Variants in NCAM2 observed in about 807,000 individuals in gnomAD.
NCAM2 encodes the protein neural cell adhesion molecule 2.
NCAM2 carries 30 observed loss-of-function variants against 98.1 expected under a neutral mutation model. The observed-to-expected ratio is 0.31, with a 90% CI of 0.23 to 0.41. The LOEUF is 0.41. Among genes scored for constraint, NCAM2 ranks in the 10% least tolerant of loss-of-function variants. The probability of loss-of-function intolerance (pLI) is 1.00; values close to 1 mark genes in which losing one functional copy is unlikely to be tolerated. For synonymous variants in NCAM2, 368 were observed against 342.4 expected (o/e 1.07, Z -0.83); for missense variants, 867 against 1,005.8 (o/e 0.86, Z 1.87).
rs952583692 is a variant in NCAM2, at chr21:21,538,901, T to C, written c.*944T>C. On this transcript the variant is annotated 3_prime_UTR_variant, in exon 18 of 18. Coordinates refer to ENST00000400546, the MANE Select transcript of NCAM2 (RefSeq NM_004540.5). ...TATCCTCAGATATATTTTTAGCCCA[T>C]GGTTTTATATAATCTTTAAGAACTA... 1.6e-4 allele frequency: 25 copies of C among 152,284 alleles called. No homozygotes were observed. The highest frequency in any genetic ancestry group is 6.0e-4 in the African/African-American group (25 of 41,586). 9.4% of individuals were successfully genotyped at this position (152,284 alleles called of 1,614,324 possible).
At chr21:21,399,214 T>C (rs1254097837) in intron 9 of NCAM2, among the ~76,000 whole-genome samples, 1 of 152,208 alleles carries the variant, frequency 6.6e-6, no homozygotes, top group Non-Finnish European at 1.5e-5. Context: ...TTGAAAATTA[T>C]GATTGCTGTC....
chr21:21,454,001 A>G (rs1200218217), intron 12 of NCAM2, among the ~76,000 whole-genome samples: 1 of 152,056 alleles, frequency 6.6e-6, no homozygotes, highest in African/African-American at 2.4e-5. Flanking sequence ...AGTATGATGA[A>G]GGTAAGTTAT....
rs1990146123 is a variant in NCAM2 at position 21,539,526 on chromosome 21, T to A, written c.*1569T>A. ...TTATTAAATGTAAAATTAAGGCAACTCATGAATATTTTTATTTACAAAGTG... is the reference window on the plus strand; with the variant it reads ...TTATTAAATGTAAAATTAAGGCAACACATGAATATTTTTATTTACAAAGTG... On this transcript the variant is annotated 3_prime_UTR_variant, in exon 18 of 18. Transcript: ENST00000400546. The A allele has an allele frequency of 6.6e-6, 1 of 152,216 alleles. No homozygotes were observed. The highest frequency in any genetic ancestry group is 1.5e-5 in the Non-Finnish European group (1 of 68,050). The allele number at this position is 152,216 out of a possible 1,614,324, so 9.4% of individuals were successfully genotyped here.
At chr21:21,461,830 A>G (rs1983016346) in intron 12 of NCAM2, among the ~76,000 whole-genome samples, 1 of 152,060 alleles carries the variant, frequency 6.6e-6, no homozygotes, top group African/African-American at 2.4e-5. Flanking sequence ...AGATGATTAC[A>G]TACCTAAGCT....
intron 12 of NCAM2, among the ~76,000 whole-genome samples, chr21:21,449,409 C>G (rs1313456518): frequency 6.6e-6 from 1 of 151,522 alleles, no homozygotes; most frequent in African/African-American, 2.4e-5. Flanking sequence ...ACTGCTCAAA[C>G]ATACACTCTT....
chr21:21,432,998 C>T (rs541606179), intron 12 of NCAM2, among the ~76,000 whole-genome samples: 93 of 152,238 alleles, frequency 6.1e-4, no homozygotes, highest in Non-Finnish European at 9.0e-4. Flanking sequence ...GAGGATCCTA[C>T]CTTGACCCTA....
chr21:21,102,975 C>T (rs2066275792), intron 1 of NCAM2, among the ~76,000 whole-genome samples: 1 of 151,976 alleles, frequency 6.6e-6, no homozygotes, highest in Admixed American at 6.6e-5. Flanking sequence ...GTCCCATCAC[C>T]TAATGCATGC....
intron 1 of NCAM2, among the ~76,000 whole-genome samples, chr21:21,279,600 G>A (rs960628791): frequency 3.4e-4 from 52 of 152,204 alleles, no homozygotes; most frequent in African/African-American, 1.2e-3. Context: ...CTTGTGATCT[G>A]CCGGCCTTGG....
chr21:21,326,678 T>G (rs1184821331), intron 6 of NCAM2, among the ~76,000 whole-genome samples: 1 of 152,194 alleles, frequency 6.6e-6, no homozygotes, highest in Non-Finnish European at 1.5e-5. Context: ...AATTTAAATT[T>G]ATATTTTTTC....
intron 1 of NCAM2, among the ~76,000 whole-genome samples, chr21:21,032,345 G>A (rs1298789356): frequency 1.3e-5 from 2 of 152,018 alleles, no homozygotes; most frequent in Non-Finnish European, 2.9e-5. Flanking sequence ...TATATAAAAT[G>A]GCTATTTTAA....
chr21:21,028,292 G>A (rs759557131), intron 1 of NCAM2, among the ~76,000 whole-genome samples: 3 of 152,188 alleles, frequency 2.0e-5, no homozygotes, highest in Non-Finnish European at 4.4e-5. Context: ...CATTAGCAAT[G>A]ATGCAAGATT....
At chr21:21,082,858 C>T (rs1459475219) in intron 1 of NCAM2, among the ~76,000 whole-genome samples, 1 of 152,098 alleles carries the variant, frequency 6.6e-6, no homozygotes, top group Non-Finnish European at 1.5e-5. Context: ...GTTTCCTCTC[C>T]CTGAGGAGCT....
chr21:21,223,263 A>G (rs1264933054), intron 1 of NCAM2: 1 of 152,152 alleles, frequency 6.6e-6, no homozygotes, highest in Admixed American at 6.6e-5. Context: ...AATCACAAAA[A>G]TATCCATGCA....
At chr21:21,356,780 C>T (rs980741268) in intron 8 of NCAM2, among the ~76,000 whole-genome samples, 2 of 152,014 alleles carry the variant, frequency 1.3e-5, no homozygotes, top group African/African-American at 4.8e-5. Flanking sequence ...CATCTGAGGT[C>T]GGGAGTTCGA....
At chr21:21,535,315 T>G (rs1989925145) in intron 17 of NCAM2, among the ~76,000 whole-genome samples, 1 of 152,124 alleles carries the variant, frequency 6.6e-6, no homozygotes, top group Admixed American at 6.5e-5. Flanking sequence ...AATAGTAGTA[T>G]TCTTCTATTG....
chr21:21,310,711 T>A (rs1243712740), intron 5 of NCAM2, among the ~76,000 whole-genome samples: 2 of 152,194 alleles, frequency 1.3e-5, no homozygotes, highest in African/African-American at 4.8e-5. Context: ...TTCACTTTTT[T>A]AATTGTAGAA....
At chr21:21,022,493 A>G (rs909732446) in intron 1 of NCAM2, among the ~76,000 whole-genome samples, 2 of 152,138 alleles carry the variant, frequency 1.3e-5, no homozygotes, top group Admixed American at 6.5e-5. Context: ...TTATAAAAAT[A>G]GGGAGTGGAT....
At chr21:21,519,890 T>C (rs1333024427) in intron 16 of NCAM2, among the ~76,000 whole-genome samples, 1 of 152,104 alleles carries the variant, frequency 6.6e-6, no homozygotes, top group Non-Finnish European at 1.5e-5. Context: ...ACTATGATGA[T>C]TTATTAAAAC....
intron 12 of NCAM2, among the ~76,000 whole-genome samples, chr21:21,464,745 T>C (rs931710024): frequency 2.6e-5 from 4 of 152,294 alleles, no homozygotes; most frequent in Admixed American, 1.3e-4. Context: ...TCTTTATCTA[T>C]GCACTCAGCT....
Sources: allele counts gnomAD v4.1 joint callset (sites outside exome capture counted in the v4.1 genomes callset), GRCh38; gene constraint gnomAD v4.1.1; transcripts MANE v1.5; gene names NCBI Gene and HGNC (gene_info 2026-07-23, HGNC 2026-07-21).